Variants in WDR72 observed in about 807,000 individuals in gnomAD.
WDR72 encodes WD repeat domain 72.
In WDR72, 120 loss-of-function variants were observed where a neutral mutation model predicts 124.2. That is an observed-to-expected ratio of 0.97 (90% CI 0.83 to 1.12). WDR72 has a LOEUF of 1.12. Among genes scored for constraint, WDR72 ranks in the 50% most tolerant of loss-of-function variants. WDR72 has a pLI of 0.00. For synonymous variants in WDR72, 452 were observed against 441.7 expected, an observed-to-expected ratio of 1.02 and a Z score of -0.29; for missense variants, 1,387 against 1,278.8, an observed-to-expected ratio of 1.08 and a Z score of -1.29.
At chr15:53,603,927 T>A (rs2013158045) in intron 17 of WDR72, among the ~76,000 whole-genome samples, 1 of 152,102 alleles carries the variant, frequency 6.6e-6, no homozygotes, top group African/African-American at 2.4e-5. Flanking sequence ...ACAGTTTCAT[T>A]GCTATTCATA....
At chr15:53,579,468 G>A (rs1273829761) in intron 18 of WDR72, among the ~76,000 whole-genome samples, 2 of 152,080 alleles carry the variant, frequency 1.3e-5, no homozygotes, top group South Asian at 2.1e-4. Flanking sequence ...CTTTTGGTGT[G>A]TGGTTCATCT....
intron 13 of WDR72, among the ~76,000 whole-genome samples, chr15:53,692,415 A>G (rs2016873260): frequency 6.6e-6 from 1 of 152,210 alleles, no homozygotes; most frequent in Non-Finnish European, 1.5e-5. Context: ...ACACTAGTAC[A>G]GTAATTCATG....
intron 14 of WDR72, among the ~76,000 whole-genome samples, chr15:53,656,137 G>A (rs1199746899): frequency 3.9e-5 from 6 of 152,232 alleles, no homozygotes; most frequent in African/African-American, 9.6e-5. Flanking sequence ...ACAGCAGCTT[G>A]TTAGGATCAT....
At chr15:53,579,541 G>A (rs1162016230) in intron 18 of WDR72, among the ~76,000 whole-genome samples, 2 of 151,974 alleles carry the variant, frequency 1.3e-5, no homozygotes, top group South Asian at 2.1e-4. Flanking sequence ...GGGAATGGGC[G>A]AAATACTAAA....
intron 14 of WDR72, among the ~76,000 whole-genome samples, chr15:53,628,804 T>TA (rs1178117862): frequency 6.6e-6 from 1 of 151,980 alleles, no homozygotes; most frequent in Non-Finnish European, 1.5e-5. Flanking sequence ...ATACCAACAA[T>TA]AGATTTTTTT....
At chr15:53,543,985 C>T (rs1466346563) in intron 18 of WDR72, among the ~76,000 whole-genome samples, 2 of 151,628 alleles carry the variant, frequency 1.3e-5, no homozygotes, top group Non-Finnish European at 2.9e-5. Flanking sequence ...TCTGAATAGA[C>T]CAATAACAGG....
At chr15:53,594,620 T>C (rs994421013) in intron 18 of WDR72, among the ~76,000 whole-genome samples, 1 of 106,246 alleles carries the variant, frequency 9.4e-6, no homozygotes, top group Non-Finnish European at 1.8e-5. Flanking sequence ...GTACTAAAAA[T>C]AAAAATTAAA....
At chr15:53,588,734 C>A (rs2012348799) in intron 18 of WDR72, among the ~76,000 whole-genome samples, 1 of 149,758 alleles carries the variant, frequency 6.7e-6, no homozygotes, top group African/African-American at 2.4e-5. Context: ...GGAATTTAGT[C>A]CCTCTATTTA....
intron 3 of WDR72, among the ~76,000 whole-genome samples, chr15:53,718,820 T>TTAAAAATTTTAAAAACCTTAAGATTGG (rs2017790254): frequency 6.7e-6 from 1 of 150,318 alleles, no homozygotes; most frequent in African/African-American, 2.4e-5. Context: ...CTTAAGATTT[T>TTAAAAATTTTAAAAACCTTAAGATTGG]TAAAAATTTT....
chr15:53,632,443 C>T (rs961855938), intron 14 of WDR72, among the ~76,000 whole-genome samples: 2 of 152,040 alleles, frequency 1.3e-5, no homozygotes, highest in Non-Finnish European at 2.9e-5. Context: ...GAGTGGAGCC[C>T]TCATGAAGAA....
intron 18 of WDR72, among the ~76,000 whole-genome samples, chr15:53,570,487 G>T (rs1232241250): frequency 6.6e-6 from 1 of 152,002 alleles, no homozygotes; most frequent in Non-Finnish European, 1.5e-5. Flanking sequence ...ATGAAAAAAT[G>T]CTCAACATTA....
intron 18 of WDR72, among the ~76,000 whole-genome samples, chr15:53,589,675 G>A (rs1241030360): frequency 1.3e-5 from 2 of 151,970 alleles, no homozygotes; most frequent in African/African-American, 2.4e-5. Context: ...GTGCCTGCAC[G>A]ACTGTTACCA....
upstream of WDR72, among the ~76,000 whole-genome samples, chr15:53,761,497 A>G (rs1156543824): frequency 6.6e-6 from 1 of 152,188 alleles, no homozygotes; most frequent in African/African-American, 2.4e-5. Flanking sequence ...AAATCAATAT[A>G]TCCAAGATCT....
Position 53,593,046 on chromosome 15 carries a change from C to A in WDR72, c.3148+4033G>T, listed in dbSNP as rs559304119. On this transcript the variant is annotated intron_variant, in intron 18 of 19. Coordinates refer to ENST00000360509, the MANE Select transcript of WDR72 (RefSeq NM_182758.4). ...TAGGAGAAAACACTAAAAAATAAGA[C>A]AAAATTACAGGTTTAAATATACATT... Among the ~76,000 whole-genome samples, 5 of 152,022 alleles carry A rather than the reference C, an allele frequency of 3.3e-5. No individual in the cohort carries two copies. In the South Asian group the frequency reaches 1.0e-3, roughly 32 times the overall value.
At chr15:53,710,354 TACAC>T (rs138077078) in intron 9 of WDR72, among the ~76,000 whole-genome samples, 4 of 148,682 alleles carry the variant, frequency 2.7e-5, no homozygotes, top group Admixed American at 6.8e-5. Context: ...TTTGTACGTA[TACAC>T]ACACACACAC....
chr15:53,549,464 C>T (rs1906421), intron 18 of WDR72, among the ~76,000 whole-genome samples: 47,785 of 151,964 alleles, frequency 0.31, 7,962 homozygotes, highest in Admixed American at 0.41. Flanking sequence ...ACGACCCTGC[C>T]GAATAGATGC....
At chr15:53,541,143 A>T in intron 18 of WDR72, 1 of 153,176 alleles carries the variant, frequency 6.5e-6, no homozygotes, top group Non-Finnish European at 1.5e-5. Context: ...AGCCCACCAC[A>T]GCTCAAGGTG....
At chr15:53,727,095 T>A (rs946752220) in intron 2 of WDR72, among the ~76,000 whole-genome samples, 2 of 151,932 alleles carry the variant, frequency 1.3e-5, no homozygotes, top group African/African-American at 4.8e-5. Context: ...GTGGATCACT[T>A]GAGGTCAGAT....
At chr15:53,574,944 G>A (rs937552446) in intron 18 of WDR72, among the ~76,000 whole-genome samples, 1 of 151,432 alleles carries the variant, frequency 6.6e-6, no homozygotes, top group African/African-American at 2.4e-5. Context: ...TTCCAAGTGA[G>A]GAAATCCTCC....
Sources: allele counts gnomAD v4.1 joint callset (sites outside exome capture counted in the v4.1 genomes callset), GRCh38; gene constraint gnomAD v4.1.1; transcripts MANE v1.5; gene names NCBI Gene and HGNC (gene_info 2026-07-23, HGNC 2026-07-21).